Variants in ARMC9 observed in about 807,000 individuals in gnomAD.
The protein encoded by ARMC9 is lisH domain-containing protein ARMC9.
ARMC9 carries 94 observed loss-of-function variants against 107.0 expected under a neutral mutation model. The ratio of observed to expected loss-of-function variants is 0.88; its 90% confidence interval spans 0.74 to 1.04. ARMC9 has a LOEUF of 1.04. ARMC9 is among the 50% of genes least tolerant of loss of function. The pLI, the probability that ARMC9 is intolerant of heterozygous loss-of-function variation, is 0.00. For synonymous variants in ARMC9, 380 were observed against 396.9 expected, an observed-to-expected ratio of 0.96 and a Z score of 0.51; for missense variants, 942 against 1,030.1, an observed-to-expected ratio of 0.91 and a Z score of 1.17.
At chr2:231,240,229 C>G in intron 9 of ARMC9, 188 bp downstream of exon 9, 1 of 615,242 alleles carries the variant, frequency 1.6e-6, no homozygotes, top group South Asian at 2.0e-5. Context: ...AAGCTGGCCT[C>G]CTAGGGAGGG....
At chr2:231,260,111 T>A (rs760190529) in intron 11 of ARMC9, among the ~76,000 whole-genome samples, 14 of 152,220 alleles carry the variant, frequency 9.2e-5, no homozygotes, top group Non-Finnish European at 1.3e-4. Flanking sequence ...AAATACTACT[T>A]TCCAAACAAC....
Position 231,360,910 on chromosome 2 carries a change from A to T in ARMC9, c.2261+27A>T. 6.7e-7 allele frequency: 1 copy of T among 1,492,644 alleles called. No homozygotes were observed. 92.5% of individuals were successfully genotyped at this position (1,492,644 alleles called of 1,614,324 possible). On this transcript the variant is annotated intron_variant, in intron 23 of 24. Transcript: ENST00000611582. The surrounding 1 kb of genome is among the most constrained non-coding windows in gnomAD (Gnocchi z 4.7). ...TAAGGGGGATATCACAAGGCCTCGA[A>T]CCTGACTCTCGGAGCTCTGGGAGTG...
intron 19 of ARMC9, 68 bp from the exon 20 acceptor site, chr2:231,331,725 T>C (rs2125557802): frequency 7.2e-7 from 1 of 1,384,162 alleles, no homozygotes; most frequent in Non-Finnish European, 1.0e-6. Flanking sequence ...CTACACATTC[T>C]GGGGAGCCAC....
intron 19 of ARMC9, among the ~76,000 whole-genome samples, chr2:231,309,292 A>T (rs1246619702): frequency 2.0e-5 from 3 of 152,100 alleles, no homozygotes; most frequent in African/African-American, 7.2e-5. Flanking sequence ...TATAAACCCT[A>T]TTTGTCCAAC....
intron 4 of ARMC9, 49 bp downstream of exon 4, chr2:231,215,050 C>CG: frequency 6.3e-7 from 1 of 1,581,594 alleles, no homozygotes; most frequent in Non-Finnish European, 8.7e-7. Context: ...TGTTAAGGAA[C>CG]AGTGTTTGCT....
intron 23 of ARMC9, among the ~76,000 whole-genome samples, chr2:231,364,441 T>C (rs185304136): frequency 6.6e-6 from 1 of 152,328 alleles, no homozygotes; most frequent in African/African-American, 2.4e-5. Context: ...TATGTCTACA[T>C]GTATGCCTTT....
intron 20 of ARMC9, among the ~76,000 whole-genome samples, chr2:231,337,290 A>ATTTTTTTTTTTTTTTTTTT (rs58078324): frequency 2.6e-5 from 1 of 38,028 alleles, no homozygotes; most frequent in Non-Finnish European, 4.3e-5. Context: ...ATATATATAT[A>ATTTTTTTTTTTTTTTTTTT]TTTTTTTTTT....
At position 231,271,699 on chromosome 2, in the gene ARMC9, G is replaced by A. The variant is rs114443274; in HGVS notation, c.1210+627G>A. Among the ~76,000 whole-genome samples the A allele has an allele frequency of 3.2e-3, 494 of 152,178 alleles. 5 individuals are homozygous for A. The highest frequency in any genetic ancestry group is 0.011 in the African/African-American group (473 of 41,514). On this transcript the variant is annotated intron_variant, in intron 13 of 24. Transcript: ENST00000611582. ...GTTCATTCGTTCTTCCATCCATTTG[G>A]CAGACATTTATGATAAGCCAGGATG...
chr2:231,203,015 T>C (rs1391109409), intron 1 of ARMC9, among the ~76,000 whole-genome samples: 2 of 151,974 alleles, frequency 1.3e-5, no homozygotes, highest in Non-Finnish European at 2.9e-5. Flanking sequence ...TTTGATAAAC[T>C]CTCCCACCCT....
At chr2:231,370,217 C>A (rs1340773893) in intron 24 of ARMC9, 92 bp downstream of exon 24, 2 of 1,355,356 alleles carry the variant, frequency 1.5e-6, no homozygotes, top group African/African-American at 3.0e-5. Context: ...GCCCCGTGCT[C>A]CTGTGTGTAC....
rs981618994 is a variant in ARMC9 at position 231,360,821 on chromosome 2, C to T, written c.2199C>T (p.Pro733=). The T allele has an allele frequency of 1.4e-5, 22 of 1,535,972 alleles. No homozygotes were observed. The East Asian group carries it at 2.2e-4, about 15-fold the overall frequency. ...GCCAGGAAGAGCCTCGCCCAGCCCC[C>T]ACGGGGACCCCCCGCCAGCCAAGGG... The part of the protein sequence containing the change: ...RGRQEEPRPA[P]TGTPRQPREA... Residue 733 remains proline, a synonymous_variant, in exon 23 of 25, where the codon CCC becomes CCT. Coordinates refer to ENST00000611582, the MANE Select transcript of ARMC9 (RefSeq NM_001352754.2). The surrounding 1 kb of genome is among the most constrained non-coding windows in gnomAD (Gnocchi z 4.7).
At chr2:231,295,973 A>G in intron 18 of ARMC9, 2 of 376,278 alleles carry the variant, frequency 5.3e-6, no homozygotes, top group Non-Finnish European at 4.7e-6. Flanking sequence ...CCATGCTACT[A>G]TAATCATGTT....
At position 231,276,641 on chromosome 2, in the gene ARMC9, C is replaced by T. The variant is rs778877264; in HGVS notation, c.1340C>T (p.Pro447Leu). 5.1e-5 allele frequency: 83 copies of T among 1,614,118 alleles called. No homozygotes were observed. The Middle Eastern group carries it at 2.3e-3, about 45-fold the overall frequency. The change falls in exon 15 of 25, where the codon CCG (proline) becomes CTG (leucine). Residue 447 changes from proline to leucine, a missense_variant. Physicochemically the swap from Pro to Leu is moderately conservative, Grantham distance 98 (BLOSUM62 -3). Coordinates refer to ENST00000611582, the MANE Select transcript of ARMC9 (RefSeq NM_001352754.2). The stretch of plus-strand genomic sequence containing the variant: ...CGTAGGCTCTTTCTTCCCAGGCGCC[C>T]GCTGCAGACAGCGATGATTCAAGAC... ...GALQKFSLRRPLQTAMIQDGL... is the reference protein window; with the variant it reads ...GALQKFSLRRLLQTAMIQDGL...
rs1050718826 is a variant in ARMC9, at chr2:231,375,809, G to A, written c.*4274G>A. Among the ~76,000 whole-genome samples, 1 of 152,102 alleles carries A rather than the reference G, an allele frequency of 6.6e-6. No individual in the cohort carries two copies. Among genetic ancestry groups the A allele is most frequent in the Non-Finnish European group, 1.5e-5 (1 of 68,028 alleles). ...GGGGGTGGATGGGATCTCAGAAGGGGGACTAGAGAAATAGGAAACTGGGGA... is the reference window on the plus strand; with the variant it reads ...GGGGGTGGATGGGATCTCAGAAGGGAGACTAGAGAAATAGGAAACTGGGGA... On this transcript the variant is annotated 3_prime_UTR_variant, in exon 25 of 25. Coordinates refer to ENST00000611582, the MANE Select transcript of ARMC9 (RefSeq NM_001352754.2). This position sits in a 1 kb window ranked among gnomAD's most constrained non-coding sequence, Gnocchi z 4.3.
At chr2:231,322,057 G>A (rs1275124720) in intron 19 of ARMC9, among the ~76,000 whole-genome samples, 1 of 152,242 alleles carries the variant, frequency 6.6e-6, no homozygotes, top group African/African-American at 2.4e-5. Context: ...TCCGGTTTCT[G>A]TCATATCCTT....
At chr2:231,287,426 G>A (rs142325033) in intron 17 of ARMC9, among the ~76,000 whole-genome samples, 140 of 152,330 alleles carry the variant, frequency 9.2e-4, no homozygotes, top group African/African-American at 3.2e-3. Context: ...AATTAACAGT[G>A]TAGAGAACCT....
Position 231,248,557 on chromosome 2 carries a change from C to A in ARMC9, c.880-8029C>A, listed in dbSNP as rs191593954. Among the ~76,000 whole-genome samples, 622 of 152,190 alleles carry A rather than the reference C, an allele frequency of 4.1e-3. 9 individuals are homozygous for A. The highest frequency in any genetic ancestry group is 0.013 in the African/African-American group (558 of 41,522). On this transcript the variant is annotated intron_variant, in intron 9 of 24. Coordinates refer to ENST00000611582, the MANE Select transcript of ARMC9 (RefSeq NM_001352754.2). ...GGACGTGGTGGCTTACACGTGTAAT[C>A]CCAGCCTTTGGGAGGCCGAGGCGGG...
intron 9 of ARMC9, among the ~76,000 whole-genome samples, chr2:231,240,640 T>C (rs1049655180): frequency 2.6e-5 from 4 of 152,226 alleles, no homozygotes; most frequent in African/African-American, 9.7e-5. Context: ...GTTAGGAATA[T>C]TCTCTCATAT....
intron 19 of ARMC9, among the ~76,000 whole-genome samples, chr2:231,310,688 G>A (rs537708073): frequency 2.8e-4 from 43 of 151,776 alleles, no homozygotes; most frequent in East Asian, 7.8e-4. Context: ...GCAGTGAGCC[G>A]AGATTGTGCC....
Sources: allele counts gnomAD v4.1 joint callset (sites outside exome capture counted in the v4.1 genomes callset), GRCh38; gene constraint gnomAD v4.1.1; non-coding constraint Gnocchi (gnomAD v3.1); transcripts MANE v1.5; gene names NCBI Gene and HGNC (gene_info 2026-07-23, HGNC 2026-07-21).